Variants in CCDC38 observed in about 807,000 individuals in gnomAD.
CCDC38 encodes coiled-coil domain containing 38.
In CCDC38, 69 loss-of-function variants were observed where a neutral mutation model predicts 72.8. The observed-to-expected ratio is 0.95, with a 90% CI of 0.78 to 1.16. The LOEUF (loss-of-function observed/expected upper bound fraction) is 1.16. Among genes scored for constraint, CCDC38 ranks in the 50% most tolerant of loss-of-function variants. The pLI is 0.00. For missense variants in CCDC38, 626 were observed against 638.9 expected (o/e 0.98, Z 0.22); for synonymous variants, 201 against 213.2 (o/e 0.94, Z 0.50).
chr12:95,899,697 T>G (rs570299998), intron 5 of CCDC38, among the ~76,000 whole-genome samples: 74 of 152,334 alleles, frequency 4.9e-4, no homozygotes, highest in African/African-American at 1.7e-3. Flanking sequence ...GAGATGATTT[T>G]AAAGAGATAA....
chr12:95,906,594 A>G (rs907692724), intron 4 of CCDC38, 143 bp from the exon 5 acceptor site: 14 of 596,238 alleles, frequency 2.3e-5, no homozygotes, highest in Non-Finnish European at 3.8e-5. Context: ...ACCTTTTCCT[A>G]GCCACTCAAA....
In CCDC38 at chr12:95,879,815, G is replaced by T; in HGVS notation, c.991-20C>A. On this transcript the variant is annotated intron_variant, in intron 11 of 15. Transcript: ENST00000344280. The surrounding 1 kb of genome is among the most constrained non-coding windows in gnomAD (Gnocchi z 5.5). ...TGGCTCCTAATTAATCAATAATGAA[G>T]AATATAATTTACTTAAAAATATGCT... 6.4e-7 allele frequency: 1 copy of T among 1,560,030 alleles called. No individual in the cohort carries two copies.
At chr12:95,939,234 A>C (rs2080424727) in intron 1 of CCDC38, among the ~76,000 whole-genome samples, 1 of 152,148 alleles carries the variant, frequency 6.6e-6, no homozygotes, top group South Asian at 2.1e-4. Flanking sequence ...GTGTTTCAGG[A>C]ACAGTAAGGA....
At chr12:95,873,676 C>T (rs954434112) in intron 13 of CCDC38, among the ~76,000 whole-genome samples, 4 of 152,322 alleles carry the variant, frequency 2.6e-5, no homozygotes, top group African/African-American at 7.2e-5. Flanking sequence ...TGCCCCATTT[C>T]CTGCTTCCAC....
At chr12:95,872,721 T>A (rs2079594803) in intron 13 of CCDC38, among the ~76,000 whole-genome samples, 1 of 152,212 alleles carries the variant, frequency 6.6e-6, no homozygotes, top group African/African-American at 2.4e-5. Flanking sequence ...ACTACAGGCA[T>A]GCGCCACCAC....
rs779171923 is a variant in CCDC38 at position 95,934,841 on chromosome 12, T to C, written c.37+1632A>G. On this transcript the variant is annotated intron_variant, in intron 2 of 15. Coordinates refer to ENST00000344280, the MANE Select transcript of CCDC38 (RefSeq NM_182496.3). ...CTGGCCAGCATGGGGAAAACCCGTC[T>C]CTACTAAAAATACAAAAATTAGCCA... 4 of 152,134 alleles carry C rather than the reference T, an allele frequency of 2.6e-5. No homozygotes were observed. In the South Asian group the frequency reaches 6.2e-4, roughly 24 times the overall value. 9.4% of individuals were successfully genotyped at this position (152,134 alleles called of 1,614,324 possible). A position where few individuals can be genotyped will look rare whatever the true frequency, so the allele number is the denominator to read the frequency against.
chr12:95,896,805 A>G (rs1220524043), intron 7 of CCDC38, among the ~76,000 whole-genome samples: 1 of 139,096 alleles, frequency 7.2e-6, no homozygotes, highest in Non-Finnish European at 1.5e-5. Flanking sequence ...CTTGTTTTTC[A>G]TGATCTCCTG....
intron 5 of CCDC38, 22 bp from the exon 6 acceptor site, chr12:95,898,753 G>A: frequency 1.2e-6 from 2 of 1,603,358 alleles, no homozygotes; most frequent in Non-Finnish European, 8.5e-7. Context: ...GAAGACAGAG[G>A]TGTAAAAACA....
chr12:95,902,960 TAAATTATTTAATCTATAAACC>T (rs1432853249), intron 5 of CCDC38, among the ~76,000 whole-genome samples: 1 of 152,164 alleles, frequency 6.6e-6, no homozygotes, highest in East Asian at 1.9e-4. Flanking sequence ...ATAGATTAAA[TAAATTATTTAATCTATAAACC>T]AATCTGGAAA....
chr12:95,931,073 C>T (rs891556958), intron 2 of CCDC38, among the ~76,000 whole-genome samples: 5 of 152,134 alleles, frequency 3.3e-5, no homozygotes, highest in Admixed American at 2.6e-4. Flanking sequence ...TAAAACAATG[C>T]AAATTTATTT....
intron 5 of CCDC38, 80 bp downstream of exon 5, chr12:95,906,307 C>A: frequency 1.9e-6 from 2 of 1,051,688 alleles, no homozygotes; most frequent in South Asian, 1.4e-5. Context: ...AATAGACAAG[C>A]AAAATGTCAA....
At chr12:95,870,461 T>C (rs2079569457) in intron 14 of CCDC38, among the ~76,000 whole-genome samples, 1 of 152,222 alleles carries the variant, frequency 6.6e-6, no homozygotes, top group South Asian at 2.1e-4. Flanking sequence ...GGAAATAACA[T>C]GTACTGAGCA....
At position 95,906,127 on chromosome 12, in the gene CCDC38, G is replaced by A. The variant is rs566404454; in HGVS notation, c.369+260C>T. On this transcript the variant is annotated intron_variant, in intron 5 of 15. Transcript: ENST00000344280. ...ATTTTCTAGAATAATTTTTCTGATA[G>A]GTTCCAGGAAGTATAAAACCTTGTC... Among the ~76,000 whole-genome samples, 14 of 152,318 alleles carry A rather than the reference G, an allele frequency of 9.2e-5. No homozygotes were observed. In the South Asian group the frequency reaches 2.9e-3, roughly 32 times the overall value.
Position 95,872,389 on chromosome 12 carries a change from A to T in CCDC38, c.1350T>A (p.Asp450Glu). The change falls in exon 14 of 16, where the codon GAT becomes GAA. Residue 450 changes from aspartate to glutamate, a missense_variant. Transcript: ENST00000344280. ...GCTTTTGAATTGGGTTGAGGCCGTC[A>T]TCCTCAGCATCTCCAATGCAGACTT... ...VYKVCIGDAE[D>E]DGLNPIQKLV... is the part of the protein sequence containing the mutation. 2 of 1,614,146 alleles carry T rather than the reference A, an allele frequency of 1.2e-6. No homozygotes were observed. The highest frequency in any genetic ancestry group is 1.7e-6 in the Non-Finnish European group (2 of 1,179,980).
At chr12:95,921,529 A>T (rs2080208536) in intron 2 of CCDC38, among the ~76,000 whole-genome samples, 1 of 152,284 alleles carries the variant, frequency 6.6e-6, no homozygotes, top group East Asian at 1.9e-4. Context: ...CCAAACATGT[A>T]TAAAACCATC....
intron 1 of CCDC38, among the ~76,000 whole-genome samples, chr12:95,937,679 A>G (rs1592813079): frequency 6.6e-6 from 1 of 152,344 alleles, no homozygotes; most frequent in Admixed American, 6.5e-5. Flanking sequence ...AGAGCTAAAT[A>G]TCCCGGAAGC....
In CCDC38 at chr12:95,869,446, T is replaced by C. The variant is rs778824965; in HGVS notation, c.1578+34A>G. ...TGTTTTTGTATTTTGTATCACATATTGATATGGCTGGATCTATTAATAGCA... is the reference window on the plus strand; with the variant it reads ...TGTTTTTGTATTTTGTATCACATATCGATATGGCTGGATCTATTAATAGCA... On this transcript the variant is annotated intron_variant, in intron 15 of 15. Transcript: ENST00000344280. 2.7e-6 allele frequency: 4 copies of C among 1,479,532 alleles called. No individual in the cohort carries two copies. The South Asian group carries it at 4.8e-5, about 18-fold the overall frequency. The allele number at this position is 1,479,532 out of a possible 1,614,324, so 91.7% of individuals were successfully genotyped here.
chr12:95,931,162 T>C (rs2080333476), intron 2 of CCDC38, among the ~76,000 whole-genome samples: 1 of 152,210 alleles, frequency 6.6e-6, no homozygotes, highest in East Asian at 1.9e-4. Context: ...CTGTGTTCCT[T>C]CTGGAGGCTC....
intron 10 of CCDC38, among the ~76,000 whole-genome samples, chr12:95,885,955 C>A (rs1241447851): frequency 6.6e-6 from 1 of 152,080 alleles, no homozygotes; most frequent in Non-Finnish European, 1.5e-5. Flanking sequence ...GATAACATAT[C>A]TATACTGTGA....
Sources: gnomAD v4.1 joint callset for allele counts (sites outside exome capture counted in the v4.1 genomes callset) on GRCh38, gnomAD v4.1.1 for gene constraint, Gnocchi (gnomAD v3.1) non-coding constraint, MANE v1.5 for transcripts, NCBI Gene and HGNC (gene_info 2026-07-23, HGNC 2026-07-21) for gene names.